MED14: variants seen among roughly 807,000 people sequenced by gnomAD.
MED14 encodes the protein mediator of RNA polymerase II transcription subunit 14.
A neutral mutation model predicts 109.0 loss-of-function variants in MED14; 8 were observed. The observed-to-expected ratio is 0.07, with a 90% CI of 0.04 to 0.13. The LOEUF (loss-of-function observed/expected upper bound fraction) is 0.13. Ranked by LOEUF, MED14 falls within the 10% of genes least tolerant of loss-of-function variation. The pLI is 1.00. For synonymous variants in MED14, 399 were observed against 408.7 expected (o/e 0.98, Z 0.29); for missense variants, 711 against 1,142.4 (o/e 0.62, Z 5.44).
chrX:40,666,630 G>C (rs1365613755), intron 24 of MED14, 90 bp downstream of exon 24: 4 of 960,906 alleles, frequency 4.2e-6, no homozygotes, highest in African/African-American at 1.9e-5. Flanking sequence ...CAATAAACAA[G>C]TATTAATTTT....
rs768706836 is a variant in MED14, at chrX:40,722,832, T to A, written c.348+3914A>T. On this transcript the variant is annotated intron_variant, in intron 3 of 30. Transcript: ENST00000324817. Reference sequence around the variant, plus strand: ...GAGTGGCATGACATATTTAAAGTGCTGAAGGAAAAAAACTTTTACCCTAGG... The same window carrying A: ...GAGTGGCATGACATATTTAAAGTGCAGAAGGAAAAAAACTTTTACCCTAGG... Among the ~76,000 whole-genome samples the A allele has an allele frequency of 5.4e-5, 6 of 111,691 alleles. No individual in the cohort carries two copies. The South Asian group carries it at 2.2e-3, about 42-fold the overall frequency.
intron 2 of MED14, among the ~76,000 whole-genome samples, chrX:40,728,101 C>A (rs966742935): frequency 3.6e-5 from 4 of 111,815 alleles, no homozygotes; most frequent in African/African-American, 6.5e-5. Flanking sequence ...GGGCTGGGAA[C>A]CTCAGTACCT....
At position 40,650,019 on chromosome X, in the gene MED14, A is replaced by T; in HGVS notation, c.*1787T>A. 1 of 740,415 alleles carries T rather than the reference A, an allele frequency of 1.4e-6. No individual in the cohort carries two copies. Among genetic ancestry groups the T allele is most frequent in the Non-Finnish European group, 1.6e-6 (1 of 626,249 alleles). 61.0% of individuals were successfully genotyped at this position (740,415 alleles called of 1,213,427 possible). On this transcript the variant is annotated 3_prime_UTR_variant, in exon 31 of 31. Coordinates refer to ENST00000324817, the MANE Select transcript of MED14 (RefSeq NM_004229.4). ...TAATAAAATTATTTGAAACAATATTATCCTGCAGATAAAAATACATTTCTT... is the reference window on the plus strand; with the variant it reads ...TAATAAAATTATTTGAAACAATATTTTCCTGCAGATAAAAATACATTTCTT...
chrX:40,698,888 C>T (rs886230514), intron 12 of MED14, among the ~76,000 whole-genome samples: 10 of 112,018 alleles, frequency 8.9e-5, no homozygotes, highest in African/African-American at 2.6e-4. Flanking sequence ...AATTACTGTA[C>T]GCCCTAGCAG....
intron 18 of MED14, among the ~76,000 whole-genome samples, 177 bp downstream of exon 18, chrX:40,682,426 A>T (rs1172003848): frequency 1.8e-5 from 2 of 111,815 alleles, no homozygotes; most frequent in African/African-American, 6.5e-5. Context: ...GAAACTTAAC[A>T]GTGGTTGTCT....
chrX:40,713,878 G>A lies in MED14; in HGVS notation c.552C>T (p.Thr184=). ...GGAGTGTGGCTTGTTTTTCAATTTT[G>A]GTAATTGGGTCTGGAGGAATAATTT... ...RDKIIPPDPI[T]KIEKQATLHQ... The change falls in exon 5 of 31, where the codon ACC becomes ACT. Residue 184 remains threonine (T), a synonymous_variant. Transcript: ENST00000324817. The A allele has an allele frequency of 8.3e-7, 1 of 1,208,625 alleles. No homozygotes were observed. Among genetic ancestry groups the A allele is most frequent in the Non-Finnish European group, 1.1e-6 (1 of 893,420 alleles).
intron 23 of MED14, among the ~76,000 whole-genome samples, chrX:40,671,127 A>G (rs895010679): frequency 8.9e-6 from 1 of 111,982 alleles, no homozygotes; most frequent in South Asian, 3.7e-4. Context: ...ACTAGGACCT[A>G]GTAGGCAACG....
At chrX:40,665,467 A>G (rs901876694) in intron 24 of MED14, among the ~76,000 whole-genome samples, 2 of 111,535 alleles carry the variant, frequency 1.8e-5, no homozygotes, top group Admixed American at 1.9e-4. Context: ...TGAGAAGCCG[A>G]GGTTGCAGTG....
chrX:40,696,264 A>T (rs1182753369), intron 13 of MED14, among the ~76,000 whole-genome samples: 3 of 107,914 alleles, frequency 2.8e-5, no homozygotes, highest in Non-Finnish European at 5.7e-5. Context: ...CCTCCCGAGT[A>T]GCTAGGACTA....
chrX:40,713,689 T>C lies in MED14; in HGVS notation c.652+89A>G, dbSNP rs753055471. On this transcript the variant is annotated intron_variant, in intron 5 of 30. Transcript: ENST00000324817. ...AACTCCTGACCTCAAGTGATCTGCCTGCCTCAGTCTCCCAAAGTGCTGAGA... is the reference window on the plus strand; with the variant it reads ...AACTCCTGACCTCAAGTGATCTGCCCGCCTCAGTCTCCCAAAGTGCTGAGA... 632 of 997,005 alleles carry C rather than the reference T, an allele frequency of 6.3e-4. 5 individuals carry two copies. Among genetic ancestry groups the C allele is most frequent in the Non-Finnish European group, 5.4e-5 (39 of 722,108 alleles). 82.2% of individuals were successfully genotyped at this position (997,005 alleles called of 1,213,427 possible). A position where few individuals can be genotyped will look rare whatever the true frequency, so the allele number is the denominator to read the frequency against.
At chrX:40,726,975 G>T in intron 2 of MED14, 124 bp from the exon 3 acceptor site, 1 of 537,657 alleles carries the variant, frequency 1.9e-6, no homozygotes, top group Non-Finnish European at 3.0e-6. Flanking sequence ...TACAAAATGA[G>T]CCACCTAAAA....
At chrX:40,655,667 T>C (rs755656476) in intron 28 of MED14, among the ~76,000 whole-genome samples, 53 of 112,281 alleles carry the variant, frequency 4.7e-4, no homozygotes, top group Non-Finnish European at 8.8e-4. Context: ...ATTATATCCA[T>C]TGGTGCTTTT....
intron 12 of MED14, 86 bp from the exon 13 acceptor site, chrX:40,697,269 T>C (rs1273440262): frequency 1.9e-6 from 1 of 531,390 alleles, no homozygotes; most frequent in African/African-American, 2.3e-5. Context: ...TTAAAGACCA[T>C]TAAAAAAACA....
chrX:40,712,544 T>G (rs369463632), intron 6 of MED14, among the ~76,000 whole-genome samples: 53 of 111,309 alleles, frequency 4.8e-4, no homozygotes, highest in South Asian at 1.1e-3. Flanking sequence ...AATATATATA[T>G]AGAGAGACAG....
At chrX:40,709,279 T>A in intron 10 of MED14, 69 bp downstream of exon 10, 1 of 485,849 alleles carries the variant, frequency 2.1e-6, no homozygotes, top group East Asian at 4.3e-5. Flanking sequence ...CATATTAAGA[T>A]TCTCATCAAA....
intron 3 of MED14, among the ~76,000 whole-genome samples, chrX:40,716,316 T>C (rs1300425819): frequency 3.6e-5 from 4 of 110,834 alleles, no homozygotes; most frequent in African/African-American, 9.9e-5. Context: ...AAATAGGCTG[T>C]GTGTGGTGGC....
intron 26 of MED14, among the ~76,000 whole-genome samples, chrX:40,662,022 C>A (rs1929298992): frequency 9.2e-6 from 1 of 108,802 alleles, no homozygotes; most frequent in African/African-American, 3.4e-5. Context: ...CACCACCATG[C>A]CTGGCTAATT....
chrX:40,734,528 GT>G (rs747399442), intron 1 of MED14, among the ~76,000 whole-genome samples: 75 of 112,490 alleles, frequency 6.7e-4, no homozygotes, highest in African/African-American at 2.3e-3. Flanking sequence ...GTCCCAAAAT[GT>G]TACGGTGCCT....
chrX:40,703,344 A>T, intron 11 of MED14, 100 bp downstream of exon 11: 1 of 750,689 alleles, frequency 1.3e-6, no homozygotes, highest in Non-Finnish European at 2.0e-6. Flanking sequence ...AACACTGCAT[A>T]TACCATTCTT....
Sources: allele counts gnomAD v4.1 joint callset (sites outside exome capture counted in the v4.1 genomes callset), GRCh38; gene constraint gnomAD v4.1.1; transcripts MANE v1.5; gene names NCBI Gene and HGNC (gene_info 2026-07-23, HGNC 2026-07-21).